FHOD3: variants seen among roughly 807,000 people sequenced by gnomAD.
FHOD3 encodes FH1/FH2 domain-containing protein 3.
Under a neutral mutation model 173.0 loss-of-function variants are expected in FHOD3, and 90 were observed. The ratio of observed to expected loss-of-function variants is 0.52; its 90% CI spans 0.44 to 0.62. The LOEUF (loss-of-function observed/expected upper bound fraction) is 0.62, where lower values mean the gene tolerates loss of function less well. Among genes scored for constraint, FHOD3 ranks in the 20% least tolerant of loss-of-function variants. The probability of loss-of-function intolerance (pLI) is 0.00; values close to 1 mark genes in which losing one functional copy is unlikely to be tolerated. For synonymous variants in FHOD3, 828 were observed against 823.0 expected, an observed-to-expected ratio of 1.01 and a Z score of -0.10; for missense variants, 1,945 against 2,034.7, an observed-to-expected ratio of 0.96 and a Z score of 0.85.
At chr18:36,531,344 T>C (rs922110555) in intron 5 of FHOD3, among the ~76,000 whole-genome samples, 1 of 152,178 alleles carries the variant, frequency 6.6e-6, no homozygotes, top group Non-Finnish European at 1.5e-5. Flanking sequence ...ATGCTCTTCT[T>C]TCCCCTTTGA....
intron 3 of FHOD3, among the ~76,000 whole-genome samples, chr18:36,454,635 G>A (rs1450158462): frequency 3.3e-5 from 5 of 151,488 alleles, no homozygotes; most frequent in Non-Finnish European, 7.4e-5. Context: ...AGTTTGTTTG[G>A]ATTCACTAGA....
At chr18:36,356,468 G>A (rs947054417) in intron 2 of FHOD3, among the ~76,000 whole-genome samples, 4 of 152,010 alleles carry the variant, frequency 2.6e-5, no homozygotes, top group African/African-American at 9.7e-5. Context: ...GCCCCTGATG[G>A]GGCCCCACCT....
intron 2 of FHOD3, among the ~76,000 whole-genome samples, chr18:36,365,672 C>A (rs1455319899): frequency 1.3e-5 from 2 of 152,124 alleles, no homozygotes; most frequent in Admixed American, 1.3e-4. Context: ...TTTTATGGTA[C>A]CTAAATTATA....
At chr18:36,549,775 C>T (rs183737854) in intron 5 of FHOD3, among the ~76,000 whole-genome samples, 215 of 150,098 alleles carry the variant, frequency 1.4e-3, no homozygotes, top group Admixed American at 2.1e-3. Context: ...GTCTCGATCT[C>T]CTGACCTCAT....
chr18:36,369,908 A>G (rs60675543), intron 2 of FHOD3, among the ~76,000 whole-genome samples: 11,924 of 152,144 alleles, frequency 0.078, 1,538 homozygotes, highest in African/African-American at 0.27. Context: ...TGACCGTGGA[A>G]TCAGATTCTG....
At chr18:36,303,083 A>G (rs141092380) in intron 1 of FHOD3, among the ~76,000 whole-genome samples, 105 of 152,306 alleles carry the variant, frequency 6.9e-4, no homozygotes, top group Non-Finnish European at 1.3e-3. Context: ...AGGGGCTGCT[A>G]TGTCATGAAC....
At chr18:36,643,794 A>G (rs550384316) in intron 10 of FHOD3, among the ~76,000 whole-genome samples, 4 of 152,262 alleles carry the variant, frequency 2.6e-5, no homozygotes, top group Admixed American at 2.6e-4. Flanking sequence ...ATATATTTTC[A>G]TATATTCTTG....
chr18:36,653,907 T>A (rs1470617157), intron 13 of FHOD3, among the ~76,000 whole-genome samples: 2 of 152,204 alleles, frequency 1.3e-5, no homozygotes, highest in African/African-American at 4.8e-5. Context: ...TAGGTTCTAT[T>A]ACAAGCATTT....
chr18:36,314,032 G>C (rs1166211505), intron 1 of FHOD3, among the ~76,000 whole-genome samples: 1 of 152,166 alleles, frequency 6.6e-6, no homozygotes, highest in Non-Finnish European at 1.5e-5. Context: ...ACAGGCATGA[G>C]CCACTGCACC....
At chr18:36,604,964 A>G (rs1360380146) in intron 8 of FHOD3, among the ~76,000 whole-genome samples, 4 of 152,196 alleles carry the variant, frequency 2.6e-5, no homozygotes, top group African/African-American at 9.7e-5. Flanking sequence ...ACAACAAGAC[A>G]TGTTTCCCAG....
intron 2 of FHOD3, among the ~76,000 whole-genome samples, chr18:36,365,734 C>T (rs1031332370): frequency 1.5e-4 from 23 of 152,132 alleles, no homozygotes; most frequent in Non-Finnish European, 3.2e-4. Flanking sequence ...GGAAGAGAGA[C>T]ACTGAGCTGG....
intron 17 of FHOD3, among the ~76,000 whole-genome samples, chr18:36,705,541 C>T (rs1437957187): frequency 6.6e-6 from 1 of 152,178 alleles, no homozygotes; most frequent in East Asian, 1.9e-4. Flanking sequence ...GTGGGGGTTT[C>T]CCTGTGCCCA....
At position 36,600,195 on chromosome 18, in the gene FHOD3, T is replaced by C. The variant is rs571945828; in HGVS notation, c.719-2479T>C. On this transcript the variant is annotated intron_variant, in intron 7 of 28. Transcript: ENST00000590592. ...TGGGATCCAGTTTCTTTCTCTGTTA[T>C]GTGAAGGGCTAGCATTATATGGTTT... Among the ~76,000 whole-genome samples the C allele has an allele frequency of 7.2e-5, 11 of 151,942 alleles. No individual in the cohort carries two copies. In the South Asian group the frequency reaches 2.3e-3, roughly 32 times the overall value.
chr18:36,757,894 T>C (rs1437169149), intron 25 of FHOD3, among the ~76,000 whole-genome samples: 2 of 152,276 alleles, frequency 1.3e-5, no homozygotes, highest in South Asian at 4.1e-4. Flanking sequence ...ACTCGTGAGG[T>C]GGGCTGTGAG....
rs189042183 is a variant in FHOD3, at chr18:36,454,629, T to G, written c.338-47303T>G. 1.2e-3 allele frequency among the ~76,000 whole-genome samples: 185 copies of G among 152,208 alleles called. 2 individuals carry two copies. Among genetic ancestry groups the G allele is most frequent in the Non-Finnish European group, 1.2e-3 (85 of 68,030 alleles). ...ACAGCTAAATATTTTTTTCTCAGTT[T>G]GTTTGGATTCACTAGAAATTCTGTC... On this transcript the variant is annotated intron_variant, in intron 3 of 28. Transcript: ENST00000590592.
intron 1 of FHOD3, among the ~76,000 whole-genome samples, chr18:36,329,075 T>G (rs957172406): frequency 1.3e-5 from 2 of 152,136 alleles, no homozygotes; most frequent in Admixed American, 1.3e-4. Context: ...TGGGGGATTC[T>G]TGCCCCGAAT....
At chr18:36,363,555 C>G (rs752520965) in intron 2 of FHOD3, among the ~76,000 whole-genome samples, 4 of 152,176 alleles carry the variant, frequency 2.6e-5, no homozygotes, top group African/African-American at 4.8e-5. Context: ...AAGCTACATA[C>G]TGTGAGTCCA....
chr18:36,449,857 A>G (rs1425386079), intron 3 of FHOD3, among the ~76,000 whole-genome samples: 1 of 152,162 alleles, frequency 6.6e-6, no homozygotes, highest in Non-Finnish European at 1.5e-5. Context: ...ATTATATATG[A>G]TGGTAATGAT....
rs142004066 is a variant in FHOD3, at chr18:36,757,956, C to T, written c.4426-1162C>T. On this transcript the variant is annotated intron_variant, in intron 25 of 28. Transcript: ENST00000590592. ...CCCACGTTGGAGGGCAGTGGTAATC[C>T]TGGGTGAGACCCTTAACCCTTCTCA... Among the ~76,000 whole-genome samples, 346 of 152,270 alleles carry T rather than the reference C, an allele frequency of 2.3e-3. 3 individuals carry two copies. Among genetic ancestry groups the T allele is most frequent in the African/African-American group, 8.0e-3 (332 of 41,556 alleles).
Sources: gnomAD v4.1 joint callset for allele counts (sites outside exome capture counted in the v4.1 genomes callset) on GRCh38, gnomAD v4.1.1 for gene constraint, MANE v1.5 for transcripts, NCBI Gene and HGNC (gene_info 2026-07-23, HGNC 2026-07-21) for gene names.